ARHGAP24: variants seen among roughly 807,000 people sequenced by gnomAD.
The protein encoded by ARHGAP24 is rho GTPase-activating protein 24.
In ARHGAP24, 50 loss-of-function variants were observed where a neutral mutation model predicts 76.4. The observed-to-expected ratio is 0.65, with a 90% CI of 0.52 to 0.83. The LOEUF (loss-of-function observed/expected upper bound fraction) is 0.83. Among genes scored for constraint, ARHGAP24 ranks in the 40% least tolerant of loss-of-function variants. The pLI is 0.00. For missense variants in ARHGAP24, 930 were observed against 914.2 expected (o/e 1.02, Z -0.22); for synonymous variants, 345 against 323.3 (o/e 1.07, Z -0.72).
intron 3 of ARHGAP24, among the ~76,000 whole-genome samples, chr4:85,857,731 T>G (rs890351816): frequency 6.6e-6 from 1 of 152,184 alleles, no homozygotes; most frequent in Admixed American, 6.5e-5. Flanking sequence ...AATTTTGTGC[T>G]CTCTTCAATT....
intron 2 of ARHGAP24, among the ~76,000 whole-genome samples, chr4:85,638,265 G>C (rs1222909988): frequency 6.6e-6 from 1 of 152,060 alleles, no homozygotes; most frequent in Non-Finnish European, 1.5e-5. Flanking sequence ...ATACTTATTA[G>C]ACTTGTACAT....
chr4:85,730,986 GCA>G (rs200255967), intron 3 of ARHGAP24, among the ~76,000 whole-genome samples: 8,017 of 133,698 alleles, frequency 0.06, 231 homozygotes, highest in Non-Finnish European at 0.074. Context: ...TAATATAACT[GCA>G]CACACACACA....
At chr4:85,510,585 C>G (rs556028468) in intron 1 of ARHGAP24, among the ~76,000 whole-genome samples, 24 of 148,438 alleles carry the variant, frequency 1.6e-4, no homozygotes, top group African/African-American at 4.5e-4. Flanking sequence ...TCTTCCCTCC[C>G]CTCTCTCCCC....
chr4:86,000,942 T>C lies in ARHGAP24; in HGVS notation c.*220T>C, dbSNP rs1282158289. The C allele has an allele frequency of 1.7e-6, 1 of 600,070 alleles. No homozygotes were observed. The highest frequency in any genetic ancestry group is 2.8e-6 in the Non-Finnish European group (1 of 360,194). 37.2% of individuals were successfully genotyped at this position (600,070 alleles called of 1,614,324 possible). Reference sequence around the variant, plus strand: ...CAAGTGTTACAACTGGATATGTGTATATAGAGTAGTTTTTCAAAAGTAAAC... The same window carrying C: ...CAAGTGTTACAACTGGATATGTGTACATAGAGTAGTTTTTCAAAAGTAAAC... On this transcript the variant is annotated 3_prime_UTR_variant, in exon 10 of 10. Transcript: ENST00000395184.
At chr4:85,668,034 T>C (rs1462993993) in intron 2 of ARHGAP24, among the ~76,000 whole-genome samples, 1 of 152,190 alleles carries the variant, frequency 6.6e-6, no homozygotes, top group African/African-American at 2.4e-5. Context: ...TGTAGAAAAG[T>C]TAGACATTTC....
intron 1 of ARHGAP24, among the ~76,000 whole-genome samples, chr4:85,511,616 C>T (rs997103274): frequency 3.9e-5 from 6 of 152,182 alleles, no homozygotes; most frequent in African/African-American, 1.4e-4. Flanking sequence ...GCATGCGCCA[C>T]TATGCCTGGC....
rs1729362451 is a variant in ARHGAP24, at chr4:85,819,011, A to G, written c.268+97039A>G. ...CGTCATAGGGCTTATGGAGGGAGGTAGTTTTCAAAAGATATAACTTTTTTG... is the reference window on the plus strand; with the variant it reads ...CGTCATAGGGCTTATGGAGGGAGGTGGTTTTCAAAAGATATAACTTTTTTG... On this transcript the variant is annotated intron_variant, in intron 3 of 9. Coordinates refer to ENST00000395184, the MANE Select transcript of ARHGAP24 (RefSeq NM_001025616.3). 2.0e-5 allele frequency among the ~76,000 whole-genome samples: 3 copies of G among 152,184 alleles called. No homozygotes were observed. The South Asian group carries it at 6.2e-4, about 32-fold the overall frequency.
chr4:85,661,481 TTTTA>T (rs959385001), intron 2 of ARHGAP24, among the ~76,000 whole-genome samples: 11 of 152,258 alleles, frequency 7.2e-5, no homozygotes, highest in African/African-American at 2.4e-4. Flanking sequence ...TATGTGAAAG[TTTTA>T]TTTAAGTTAA....
chr4:85,991,900 A>G (rs1173318907), intron 8 of ARHGAP24: 1 of 370,480 alleles, frequency 2.7e-6, no homozygotes, highest in African/African-American at 2.1e-5. Context: ...TGTCATCTAC[A>G]TATATTTTTG....
At chr4:85,811,738 T>C (rs1188524794) in intron 3 of ARHGAP24, among the ~76,000 whole-genome samples, 1 of 152,236 alleles carries the variant, frequency 6.6e-6, no homozygotes, top group Non-Finnish European at 1.5e-5. Context: ...ATCAGGAAGA[T>C]GCAGAGAAAA....
At chr4:85,529,500 A>G (rs1725166686) in intron 1 of ARHGAP24, among the ~76,000 whole-genome samples, 1 of 152,030 alleles carries the variant, frequency 6.6e-6, no homozygotes, top group African/African-American at 2.4e-5. Flanking sequence ...TGGCTTTTCA[A>G]CACCATTTAG....
chr4:85,517,917 G>A (rs1053697399), intron 1 of ARHGAP24, among the ~76,000 whole-genome samples: 8 of 152,078 alleles, frequency 5.3e-5, no homozygotes, highest in Non-Finnish European at 1.0e-4. Flanking sequence ...TCTAATGTAG[G>A]TTTGCAGCAG....
At chr4:85,633,055 G>A (rs773793147) in intron 2 of ARHGAP24, among the ~76,000 whole-genome samples, 17 of 151,834 alleles carry the variant, frequency 1.1e-4, no homozygotes, top group Non-Finnish European at 1.2e-4. Context: ...TTAGCTCTTA[G>A]TGAAACCTGG....
At chr4:85,745,898 G>A (rs1470766387) in intron 3 of ARHGAP24, among the ~76,000 whole-genome samples, 1 of 150,000 alleles carries the variant, frequency 6.7e-6, no homozygotes, top group Non-Finnish European at 1.5e-5. Context: ...GCAGCATGAT[G>A]CTAGGTACTA....
intron 2 of ARHGAP24, among the ~76,000 whole-genome samples, chr4:85,716,988 G>T (rs1328972123): frequency 1.3e-5 from 2 of 152,098 alleles, no homozygotes; most frequent in Non-Finnish European, 2.9e-5. Flanking sequence ...GAGATCAAGA[G>T]AGCTTGGTTT....
Position 85,550,727 on chromosome 4 carries a change from A to G in ARHGAP24, c.-20-19795A>G, listed in dbSNP as rs186648194. 3.0e-4 allele frequency among the ~76,000 whole-genome samples: 45 copies of G among 152,056 alleles called. No homozygotes were observed. The East Asian group carries it at 8.1e-3, about 27-fold the overall frequency. ...ATTTCTGTCATTTCTCATGTCTTTG[A>G]GTAGTGTTTTATAATTCTTGTTATG... On this transcript the variant is annotated intron_variant, in intron 1 of 9. Coordinates refer to ENST00000395184, the MANE Select transcript of ARHGAP24 (RefSeq NM_001025616.3).
At chr4:85,994,436 A>G in intron 8 of ARHGAP24, 147 bp from the exon 9 acceptor site, 2 of 826,286 alleles carry the variant, frequency 2.4e-6, no homozygotes, top group South Asian at 3.1e-5. Flanking sequence ...TTTAGCTTCT[A>G]TTGCTATTAT....
chr4:85,776,639 A>G (rs1219148822), intron 3 of ARHGAP24, among the ~76,000 whole-genome samples: 4 of 152,048 alleles, frequency 2.6e-5, no homozygotes, highest in African/African-American at 9.7e-5. Context: ...TGTTTAGCCT[A>G]TTTTAGGAGA....
At chr4:85,888,387 A>C (rs1395708674) in intron 3 of ARHGAP24, among the ~76,000 whole-genome samples, 2 of 143,582 alleles carry the variant, frequency 1.4e-5, no homozygotes, top group East Asian at 4.0e-4. Flanking sequence ...GCAACAGAGC[A>C]AGACTTCCTC....
Sources: gnomAD v4.1 joint callset for allele counts (sites outside exome capture counted in the v4.1 genomes callset) on GRCh38, gnomAD v4.1.1 for gene constraint, MANE v1.5 for transcripts, NCBI Gene and HGNC (gene_info 2026-07-23, HGNC 2026-07-21) for gene names.